OSBPL1A: variants seen among roughly 807,000 people sequenced by gnomAD.
OSBPL1A encodes oxysterol-binding protein-related protein 1.
A neutral mutation model predicts 137.1 loss-of-function variants in OSBPL1A; 80 were observed. That is an observed-to-expected ratio of 0.58 (90% CI 0.49 to 0.70). The LOEUF (loss-of-function observed/expected upper bound fraction) is 0.70, where lower values mean the gene tolerates loss of function less well. OSBPL1A is among the 30% of genes least tolerant of loss of function. The pLI is 0.00. For missense variants in OSBPL1A, 970 were observed against 1,129.4 expected (o/e 0.86, Z 2.02); for synonymous variants, 365 against 389.7 (o/e 0.94, Z 0.75).
intron 13 of OSBPL1A, among the ~76,000 whole-genome samples, chr18:24,307,974 C>A (rs2090538578): frequency 6.6e-6 from 1 of 151,802 alleles, no homozygotes; most frequent in African/African-American, 2.4e-5. Flanking sequence ...ATTTTTGAGG[C>A]AGGATTTCAC....
intron 2 of OSBPL1A, among the ~76,000 whole-genome samples, chr18:24,370,047 C>A (rs746089304): frequency 2.8e-4 from 42 of 152,152 alleles, no homozygotes; most frequent in Non-Finnish European, 6.0e-4. Flanking sequence ...CATAGAGAAA[C>A]CCCATCTCTA....
chr18:24,164,630 A>G (rs543449078), intron 27 of OSBPL1A, among the ~76,000 whole-genome samples: 106 of 151,936 alleles, frequency 7.0e-4, no homozygotes, highest in African/African-American at 2.3e-3. Context: ...GGGTTTCACC[A>G]TGTTAGCCAG....
chr18:24,317,123 A>G (rs1163236589), intron 11 of OSBPL1A, 26 bp downstream of exon 11: 2 of 1,611,844 alleles, frequency 1.2e-6, no homozygotes, highest in Non-Finnish European at 1.7e-6. Flanking sequence ...CAGTTAGAGG[A>G]GCAAATGATC....
intron 15 of OSBPL1A, among the ~76,000 whole-genome samples, chr18:24,277,590 AG>A (rs1476417951): frequency 6.6e-6 from 1 of 152,268 alleles, no homozygotes; most frequent in African/African-American, 2.4e-5. Flanking sequence ...GCTAGGAATT[AG>A]AGCCAGGTCT....
At chr18:24,214,873 C>G (rs941968224) in intron 17 of OSBPL1A, among the ~76,000 whole-genome samples, 25 of 152,194 alleles carry the variant, frequency 1.6e-4, no homozygotes, top group Non-Finnish European at 2.8e-4. Context: ...TGGCTCTGAA[C>G]TTTCCAGACT....
intron 15 of OSBPL1A, among the ~76,000 whole-genome samples, chr18:24,274,366 A>G (rs1309241015): frequency 6.6e-6 from 1 of 152,080 alleles, no homozygotes; most frequent in Non-Finnish European, 1.5e-5. Context: ...TGAATGGATA[A>G]CTCAGTTTGA....
chr18:24,283,325 CAG>C (rs1555644524), intron 14 of OSBPL1A, among the ~76,000 whole-genome samples: 1 of 139,510 alleles, frequency 7.2e-6, no homozygotes, highest in Non-Finnish European at 1.5e-5. Context: ...CACACACACA[CAG>C]ACACACACAC....
chr18:24,266,863 T>C (rs2089589016), intron 15 of OSBPL1A, among the ~76,000 whole-genome samples: 1 of 152,070 alleles, frequency 6.6e-6, no homozygotes, highest in African/African-American at 2.4e-5. Flanking sequence ...GGAAAAACTT[T>C]GAATTATCCA....
rs796763616 is a variant in OSBPL1A at position 24,331,489 on chromosome 18, C to T, written c.625+1453G>A. Reference sequence around the variant, plus strand: ...TCGGCTCACTGCAAGCTCCGCCTCCCGGGTTCACGCCATTCTCCTGCCTCA... The same window carrying T: ...TCGGCTCACTGCAAGCTCCGCCTCCTGGGTTCACGCCATTCTCCTGCCTCA... On this transcript the variant is annotated intron_variant, in intron 7 of 27. Coordinates refer to ENST00000319481, the MANE Select transcript of OSBPL1A (RefSeq NM_080597.4). Among the ~76,000 whole-genome samples, 9 of 150,382 alleles carry T rather than the reference C, an allele frequency of 6.0e-5. No homozygotes were observed. The South Asian group carries it at 6.3e-4, about 10-fold the overall frequency.
intron 14 of OSBPL1A, among the ~76,000 whole-genome samples, chr18:24,295,693 G>C (rs1272465959): frequency 1.3e-5 from 2 of 152,116 alleles, no homozygotes; most frequent in Non-Finnish European, 2.9e-5. Context: ...TATATAAACT[G>C]AATAGGCTGT....
At chr18:24,395,557 T>C (rs2144296662) in intron 1 of OSBPL1A, among the ~76,000 whole-genome samples, 1 of 152,304 alleles carries the variant, frequency 6.6e-6, no homozygotes, top group East Asian at 1.9e-4. Flanking sequence ...TTCTTCAACC[T>C]AATTGTCGGT....
intron 1 of OSBPL1A, among the ~76,000 whole-genome samples, chr18:24,390,848 G>A (rs142838380): frequency 1.8e-4 from 28 of 151,560 alleles, no homozygotes; most frequent in Admixed American, 1.4e-3. Flanking sequence ...GGCTGTAATC[G>A]CGGCACTTTG....
intron 17 of OSBPL1A, among the ~76,000 whole-genome samples, chr18:24,212,108 G>A (rs12956214): frequency 0.62 from 94,198 of 150,846 alleles, 29,923 homozygotes; most frequent in East Asian, 0.85. Flanking sequence ...TCGCTCTCTT[G>A]CCAGGCTGGA....
intron 17 of OSBPL1A, among the ~76,000 whole-genome samples, chr18:24,217,808 A>G (rs1215355873): frequency 6.6e-6 from 1 of 152,162 alleles, no homozygotes; most frequent in African/African-American, 2.4e-5. Flanking sequence ...ATGTCATAGG[A>G]AGTACCTATG....
intron 2 of OSBPL1A, among the ~76,000 whole-genome samples, chr18:24,371,476 C>T (rs1905632496): frequency 6.6e-6 from 1 of 152,204 alleles, no homozygotes; most frequent in African/African-American, 2.4e-5. Flanking sequence ...CTCCCGAGGT[C>T]TAAGACTAAC....
intron 11 of OSBPL1A, 91 bp downstream of exon 11, chr18:24,317,058 G>A (rs2090749663): frequency 7.6e-7 from 1 of 1,322,460 alleles, no homozygotes; most frequent in Non-Finnish European, 1.1e-6. Flanking sequence ...AGAACCCCAA[G>A]ATTTTACAAG....
At chr18:24,239,563 T>C (rs1424899044) in intron 15 of OSBPL1A, among the ~76,000 whole-genome samples, 181 bp from the exon 16 acceptor site, 2 of 152,188 alleles carry the variant, frequency 1.3e-5, no homozygotes, top group African/African-American at 2.4e-5. Context: ...GTTCTTCCCA[T>C]GGGGCCTTTT....
chr18:24,267,310 A>T (rs2089603788), intron 15 of OSBPL1A, among the ~76,000 whole-genome samples: 1 of 152,076 alleles, frequency 6.6e-6, no homozygotes, highest in Non-Finnish European at 1.5e-5. Flanking sequence ...TACTAGTTAA[A>T]AAAAAAACTT....
chr18:24,233,894 C>T (rs1287853551), intron 16 of OSBPL1A, among the ~76,000 whole-genome samples: 1 of 152,164 alleles, frequency 6.6e-6, no homozygotes, highest in African/African-American at 2.4e-5. Context: ...CTCAAGTGAT[C>T]CACTCGCCTT....
Sources: gnomAD v4.1 joint callset for allele counts (sites outside exome capture counted in the v4.1 genomes callset) on GRCh38, gnomAD v4.1.1 for gene constraint, MANE v1.5 for transcripts, NCBI Gene and HGNC (gene_info 2026-07-23, HGNC 2026-07-21) for gene names.